Variants in PTCHD1 observed in about 807,000 individuals in gnomAD.
PTCHD1 encodes patched domain containing 1.
A neutral mutation model predicts 34.6 loss-of-function variants in PTCHD1; 3 were observed. That is an observed-to-expected ratio of 0.09 (90% CI 0.04 to 0.22). The LOEUF (loss-of-function observed/expected upper bound fraction) is 0.22. PTCHD1 is among the 10% of genes least tolerant of loss of function. PTCHD1 has a pLI of 1.00. For missense variants in PTCHD1, 504 were observed against 685.5 expected (o/e 0.74, Z 2.96); for synonymous variants, 305 against 283.1 (o/e 1.08, Z -0.77).
chrX:23,366,185 C>T (rs749603563), intron 1 of PTCHD1, among the ~76,000 whole-genome samples: 6 of 112,188 alleles, frequency 5.3e-5, no homozygotes, highest in Non-Finnish European at 9.4e-5. Flanking sequence ...ACCTTCATTT[C>T]GTCAGTGAAC....
At position 23,393,427 on chromosome X, in the gene PTCHD1, AATG is replaced by A. The variant is rs1922889947; in HGVS notation, c.1914_1916del (p.Asp638del). 1 of 1,211,129 alleles carries A rather than the reference AATG, an allele frequency of 8.3e-7. No individual in the cohort carries two copies. The highest frequency in any genetic ancestry group is 1.1e-6 in the Non-Finnish European group (1 of 894,829). On this transcript the variant is annotated inframe_deletion, in exon 3 of 3. Transcript: ENST00000379361. ...GGACATCATCTTCTCTAAAAAATAC[AATG>A]ATGAGGTCGATGTAGTGGCCTCCAG...
chrX:23,400,715 G>A lies in PTCHD1; in HGVS notation c.*6530G>A, dbSNP rs1044594760. The A allele has an allele frequency of 8.9e-6, 1 of 112,004 alleles. No individual in the cohort carries two copies. Among genetic ancestry groups the A allele is most frequent in the Non-Finnish European group, 1.9e-5 (1 of 53,237 alleles). 9.2% of individuals were successfully genotyped at this position (112,004 alleles called of 1,213,427 possible). Reference sequence around the variant, plus strand: ...GCTTGGCCTTGCATGAAGCACAAAGGACACACCAATGGCTGATCAGTGGCC... The same window carrying A: ...GCTTGGCCTTGCATGAAGCACAAAGAACACACCAATGGCTGATCAGTGGCC... On this transcript the variant is annotated 3_prime_UTR_variant, in exon 3 of 3. Coordinates refer to ENST00000379361, the MANE Select transcript of PTCHD1 (RefSeq NM_173495.3).
intron 1 of PTCHD1, among the ~76,000 whole-genome samples, chrX:23,368,392 G>A (rs1274379162): frequency 8.9e-6 from 1 of 112,106 alleles, no homozygotes; most frequent in Non-Finnish European, 1.9e-5. Flanking sequence ...TGATATGCAT[G>A]TAGCACAGTA....
chrX:23,352,161 A>C (rs756334759), intron 1 of PTCHD1, among the ~76,000 whole-genome samples: 20 of 111,954 alleles, frequency 1.8e-4, no homozygotes, highest in African/African-American at 5.5e-4. Context: ...GAGTAGGTTT[A>C]GGTATTTATA....
chrX:23,369,193 G>C (rs1922219532), intron 1 of PTCHD1, among the ~76,000 whole-genome samples: 1 of 111,892 alleles, frequency 8.9e-6, no homozygotes, highest in African/African-American at 3.2e-5. Flanking sequence ...TTGGTGATGG[G>C]CTTGTGGCTT....
rs763055978 is a variant in PTCHD1, at chrX:23,391,287, T to C, written c.1013-1244T>C. Among the ~76,000 whole-genome samples, 3 of 111,652 alleles carry C rather than the reference T, an allele frequency of 2.7e-5. No homozygotes were observed. In the South Asian group the frequency reaches 1.1e-3, roughly 42 times the overall value. ...CTTTCCCACAGATGCCACTATCAAA[T>C]AGCGCGGAGAAGCTAGCAGAGTCGC... On this transcript the variant is annotated intron_variant, in intron 2 of 2. Coordinates refer to ENST00000379361, the MANE Select transcript of PTCHD1 (RefSeq NM_173495.3).
intron 1 of PTCHD1, among the ~76,000 whole-genome samples, chrX:23,367,097 T>C (rs1302526827): frequency 2.7e-5 from 3 of 112,186 alleles, no homozygotes; most frequent in African/African-American, 9.7e-5. Flanking sequence ...AGAATCTGCC[T>C]GAAGTCCCTC....
At chrX:23,381,237 G>A (rs1009816818) in intron 2 of PTCHD1, among the ~76,000 whole-genome samples, 1 of 112,159 alleles carries the variant, frequency 8.9e-6, no homozygotes, top group Non-Finnish European at 1.9e-5. Context: ...CTCCCTGATA[G>A]AGATTAATGG....
intron 2 of PTCHD1, among the ~76,000 whole-genome samples, chrX:23,391,090 C>G (rs184546439): frequency 9.0e-6 from 1 of 111,678 alleles, no homozygotes; most frequent in Non-Finnish European, 1.9e-5. Flanking sequence ...AGGGAAATGT[C>G]TGGCTCCAAC....
Position 23,386,752 on chromosome X carries a change from G to C in PTCHD1, c.1013-5779G>C, listed in dbSNP as rs762836056. Among the ~76,000 whole-genome samples the C allele has an allele frequency of 8.9e-5, 10 of 112,780 alleles. No homozygotes were observed. In the East Asian group the frequency reaches 2.8e-3, roughly 31 times the overall value. On this transcript the variant is annotated intron_variant, in intron 2 of 2. Coordinates refer to ENST00000379361, the MANE Select transcript of PTCHD1 (RefSeq NM_173495.3). ...ATTATAGTCTCTGAATTTTTGAGAC[G>C]AATGTAGTAATTTTATTTCCATATA... is the stretch of plus-strand genomic sequence containing the variant.
At chrX:23,348,234 A>C (rs1364169447) in intron 1 of PTCHD1, among the ~76,000 whole-genome samples, 1 of 107,487 alleles carries the variant, frequency 9.3e-6, no homozygotes, top group African/African-American at 3.4e-5. Flanking sequence ...AGGGCAATAT[A>C]AACATCACAA....
chrX:23,359,332 G>A (rs928676456), intron 1 of PTCHD1, among the ~76,000 whole-genome samples: 7 of 111,903 alleles, frequency 6.3e-5, no homozygotes, highest in Non-Finnish European at 1.3e-4. Context: ...ATTGAGCAGT[G>A]GTTTGTAGTT....
chrX:23,376,793 C>T (rs779076337), intron 1 of PTCHD1, among the ~76,000 whole-genome samples: 9 of 112,351 alleles, frequency 8.0e-5, no homozygotes, highest in Non-Finnish European at 1.5e-4. Flanking sequence ...GCTGCTTTGT[C>T]ACTCTGCAGA....
Position 23,393,918 on chromosome X carries a change from G to T in PTCHD1, c.2400G>T (p.Gln800His), listed in dbSNP as rs778686160. 5 of 1,210,942 alleles carry T rather than the reference G, an allele frequency of 4.1e-6. No homozygotes were observed. Among genetic ancestry groups the T allele is most frequent in the Non-Finnish European group, 5.6e-6 (5 of 894,993 alleles). Reference sequence around the variant, plus strand: ...AAGTGCATGGGGTAGCTATTTTACAGAGTTACCTCTGCTATATTGTTGGTC... The same window carrying T: ...AAGTGCATGGGGTAGCTATTTTACATAGTTACCTCTGCTATATTGTTGGTC... ...ALEVHGVAIL[Q>H]SYLCYIVGLI... is the part of the protein sequence containing the mutation. Residue 800 changes from glutamine (Q) to histidine (H), a missense_variant, in exon 3 of 3, where the codon CAG (glutamine) becomes CAT (histidine). Coordinates refer to ENST00000379361, the MANE Select transcript of PTCHD1 (RefSeq NM_173495.3).
intron 1 of PTCHD1, among the ~76,000 whole-genome samples, chrX:23,355,119 G>A (rs752691344): frequency 9.0e-6 from 1 of 111,089 alleles, no homozygotes; most frequent in Admixed American, 9.6e-5. Context: ...GGGCAGCAGG[G>A]CAGCAGGCAC....
intron 1 of PTCHD1, among the ~76,000 whole-genome samples, chrX:23,335,969 C>G (rs1214860316): frequency 1.1e-4 from 12 of 111,614 alleles, no homozygotes; most frequent in African/African-American, 3.9e-4. Context: ...CCGATCAATC[C>G]ACTTTTATTT....
At chrX:23,376,187 G>A (rs1922409442) in intron 1 of PTCHD1, among the ~76,000 whole-genome samples, 1 of 112,314 alleles carries the variant, frequency 8.9e-6, no homozygotes, top group Non-Finnish European at 1.9e-5. Context: ...TGTTGAATGT[G>A]TGTTGAATGA....
chrX:23,351,091 C>T (rs1490528145), intron 1 of PTCHD1: 1 of 463,520 alleles, frequency 2.2e-6, no homozygotes, highest in African/African-American at 2.5e-5. Context: ...GAATGGGAAA[C>T]CAAGTGCCAT....
intron 1 of PTCHD1, among the ~76,000 whole-genome samples, chrX:23,370,372 C>T (rs1016293624): frequency 8.9e-6 from 1 of 112,050 alleles, no homozygotes; most frequent in African/African-American, 3.2e-5. Context: ...GTCATAGAAA[C>T]TATCATAGTT....
Sources: allele counts gnomAD v4.1 joint callset (sites outside exome capture counted in the v4.1 genomes callset), GRCh38; gene constraint gnomAD v4.1.1; transcripts MANE v1.5; gene names NCBI Gene and HGNC (gene_info 2026-07-23, HGNC 2026-07-21).